The following RASGEF1A variants were observed in gnomAD, a reference collection of about 807,000 sequenced individuals.
The protein encoded by RASGEF1A is RasGEF domain family member 1A.
RASGEF1A carries 18 observed loss-of-function variants against 56.4 expected under a neutral mutation model. The ratio of observed to expected loss-of-function variants is 0.32; its 90% CI spans 0.22 to 0.47. The LOEUF (loss-of-function observed/expected upper bound fraction) is 0.47. RASGEF1A is among the 20% of genes least tolerant of loss of function. The pLI is 1.00. For synonymous variants in RASGEF1A, 245 were observed against 242.6 expected (o/e 1.01, Z -0.09); for missense variants, 422 against 627.1 (o/e 0.67, Z 3.49).
At position 43,203,435 on chromosome 10, in the gene RASGEF1A, C is replaced by T. The variant is rs368228797; in HGVS notation, c.199-15G>A. The stretch of plus-strand genomic sequence containing the variant: ...ATGTACGTCCTCTGAAGGCAGGAGA[C>T]GGAGAGAGGGCGGAGGGAGGGTGAG... On this transcript the variant is annotated splice_polypyrimidine_tract_variant and intron_variant, in intron 2 of 12. Transcript: ENST00000395810. The T allele has an allele frequency of 7.7e-5, 118 of 1,525,796 alleles. No homozygotes were observed. Among genetic ancestry groups the T allele is most frequent in the Admixed American group, 1.2e-4 (6 of 50,706 alleles). The allele number at this position is 1,525,796 out of a possible 1,614,324, so 94.5% of individuals were successfully genotyped here. A position where few individuals can be genotyped will look rare whatever the true frequency, so the allele number is the denominator to read the frequency against.
chr10:43,205,436 A>G (rs1032694030), intron 2 of RASGEF1A, among the ~76,000 whole-genome samples: 1 of 152,106 alleles, frequency 6.6e-6, no homozygotes, highest in South Asian at 2.1e-4. Context: ...TGCTCTGCTG[A>G]CAGGGCAGGG....
At chr10:43,238,293 G>A (rs578007631) in intron 1 of RASGEF1A, among the ~76,000 whole-genome samples, 18 of 152,214 alleles carry the variant, frequency 1.2e-4, no homozygotes, top group South Asian at 4.1e-4. Flanking sequence ...GTGTTGTATC[G>A]CAGATTGAGA....
At chr10:43,225,572 T>TATGG (rs1167584181) in intron 1 of RASGEF1A, among the ~76,000 whole-genome samples, 18 of 142,358 alleles carry the variant, frequency 1.3e-4, no homozygotes, top group Admixed American at 4.3e-4. Context: ...GGTGTCTGTG[T>TATGG]ATGGGTGTGT....
intron 1 of RASGEF1A, among the ~76,000 whole-genome samples, chr10:43,250,762 C>T (rs922973866): frequency 2.6e-5 from 4 of 152,238 alleles, no homozygotes; most frequent in Non-Finnish European, 5.9e-5. Context: ...ACATGAGGGG[C>T]ATTGTGGCTC....
chr10:43,208,312 A>G (rs1588932426), intron 1 of RASGEF1A: 1 of 985,356 alleles, frequency 1.0e-6, no homozygotes, highest in African/African-American at 1.7e-5. Context: ...TGGGGGATGC[A>G]CTCTGACACC....
At chr10:43,199,289 G>A (rs1022629364) in intron 7 of RASGEF1A, 95 bp from the exon 8 acceptor site, 11 of 939,254 alleles carry the variant, frequency 1.2e-5, no homozygotes, top group African/African-American at 3.3e-5. Flanking sequence ...GGAGGACCTC[G>A]GGACTTAGCT....
chr10:43,203,228 C>T, intron 3 of RASGEF1A, 70 bp downstream of exon 3: 1 of 1,461,364 alleles, frequency 6.8e-7, no homozygotes. Context: ...CCCCATGCCT[C>T]CAGCCCCTAG....
chr10:43,238,319 G>C (rs1184474153), intron 1 of RASGEF1A, among the ~76,000 whole-genome samples: 3 of 152,204 alleles, frequency 2.0e-5, no homozygotes, highest in Non-Finnish European at 4.4e-5. Flanking sequence ...CTTCAGGAGG[G>C]TTAGCCATCG....
intron 1 of RASGEF1A, among the ~76,000 whole-genome samples, chr10:43,220,601 T>C (rs918027555): frequency 6.6e-5 from 10 of 151,992 alleles, no homozygotes; most frequent in Non-Finnish European, 1.5e-4. Flanking sequence ...CCGACCAACA[T>C]GGTGAAACCC....
At chr10:43,232,663 T>A (rs10899781) in intron 1 of RASGEF1A, among the ~76,000 whole-genome samples, 25,247 of 151,940 alleles carry the variant, frequency 0.17, 2,692 homozygotes, top group East Asian at 0.51. Context: ...ATTTTTGTAT[T>A]TTTAGTAGAG....
At chr10:43,224,753 TAAGAA>T (rs1840250909) in intron 1 of RASGEF1A, among the ~76,000 whole-genome samples, 1 of 152,218 alleles carries the variant, frequency 6.6e-6, no homozygotes, top group Non-Finnish European at 1.5e-5. Flanking sequence ...CATAATAAGA[TAAGAA>T]AACTAAAGAT....
At chr10:43,229,774 C>T (rs1472280939) in intron 1 of RASGEF1A, 8 of 1,289,896 alleles carry the variant, frequency 6.2e-6, no homozygotes, top group African/African-American at 3.1e-5. Flanking sequence ...TGGACGCCTC[C>T]GCTGGAGGGG....
At chr10:43,259,903 T>TGGACGGAGGG (rs1806147681) in intron 1 of RASGEF1A, among the ~76,000 whole-genome samples, 3 of 146,098 alleles carry the variant, frequency 2.1e-5, no homozygotes, top group Admixed American at 2.0e-4. Flanking sequence ...GCTCAGGAGC[T>TGGACGGAGGG]GGACGGAGGG....
intron 1 of RASGEF1A, among the ~76,000 whole-genome samples, chr10:43,241,889 G>A (rs968782068): frequency 1.3e-5 from 2 of 152,214 alleles, no homozygotes; most frequent in African/African-American, 2.4e-5. Flanking sequence ...TGTAATCCCA[G>A]CACTTTGGGA....
chr10:43,200,939 A>T, intron 4 of RASGEF1A, 51 bp from the exon 5 acceptor site: 1 of 1,523,014 alleles, frequency 6.6e-7, no homozygotes, highest in African/African-American at 1.4e-5. Context: ...CAGCAAGGCC[A>T]CCACCACTGT....
At chr10:43,201,111 AC>A (rs1369424721) in intron 4 of RASGEF1A, among the ~76,000 whole-genome samples, 1 of 152,204 alleles carries the variant, frequency 6.6e-6, no homozygotes, top group East Asian at 1.9e-4. Context: ...CTGCTGCAGG[AC>A]GAGGCTAAGG....
At chr10:43,244,030 G>C (rs1816493169) in intron 1 of RASGEF1A, among the ~76,000 whole-genome samples, 1 of 152,246 alleles carries the variant, frequency 6.6e-6, no homozygotes, top group African/African-American at 2.4e-5. Flanking sequence ...ACTCCATTTT[G>C]TTCTGTACTA....
chr10:43,258,005 G>A (rs1836454210), intron 1 of RASGEF1A, among the ~76,000 whole-genome samples: 1 of 152,220 alleles, frequency 6.6e-6, no homozygotes, highest in South Asian at 2.1e-4. Flanking sequence ...ACATTTACAG[G>A]AGGCTCAGAA....
At chr10:43,199,849 C>T in intron 6 of RASGEF1A, 81 bp from the exon 7 acceptor site, 1 of 1,159,662 alleles carries the variant, frequency 8.6e-7, no homozygotes, top group Non-Finnish European at 1.3e-6. Flanking sequence ...CCCTGGTCCC[C>T]AGCTATGGCT....
Sources: gnomAD v4.1 joint callset for allele counts (sites outside exome capture counted in the v4.1 genomes callset) on GRCh38, gnomAD v4.1.1 for gene constraint, MANE v1.5 for transcripts, NCBI Gene and HGNC (gene_info 2026-07-23, HGNC 2026-07-21) for gene names.